ADGRD1: variants seen among roughly 807,000 people sequenced by gnomAD.
The protein encoded by ADGRD1 is adhesion G protein-coupled receptor D1.
In ADGRD1, 77 loss-of-function variants were observed where a neutral mutation model predicts 113.4. That is an observed-to-expected ratio of 0.68 (90% confidence interval 0.57 to 0.82). The LOEUF (loss-of-function observed/expected upper bound fraction) is 0.82. Ranked by LOEUF, ADGRD1 falls within the 40% of genes least tolerant of loss-of-function variation. ADGRD1 has a pLI of 0.00. For missense variants in ADGRD1, 1,036 were observed against 1,139.1 expected (o/e 0.91, Z 1.30); for synonymous variants, 474 against 475.0 (o/e 1.00, Z 0.03).
intron 22 of ADGRD1, 42 bp downstream of exon 22, chr12:131,136,205 C>T (rs1441766743): frequency 1.2e-6 from 2 of 1,607,818 alleles, no homozygotes. Flanking sequence ...GGCCGCCAGC[C>T]ATCAGGAGCA....
intron 8 of ADGRD1, among the ~76,000 whole-genome samples, chr12:130,999,477 A>G (rs1243451009): frequency 6.6e-6 from 1 of 152,234 alleles, no homozygotes; most frequent in Non-Finnish European, 1.5e-5. Context: ...CAAATGCATG[A>G]TGAGTTTTGA....
intron 13 of ADGRD1, among the ~76,000 whole-genome samples, chr12:131,059,925 C>T (rs576473729): frequency 1.6e-4 from 25 of 152,214 alleles, no homozygotes; most frequent in African/African-American, 5.5e-4. Context: ...TTCCGGTTCT[C>T]GGTATGACAA....
At chr12:131,037,106 C>G (rs1485074910) in intron 13 of ADGRD1, among the ~76,000 whole-genome samples, 1 of 145,840 alleles carries the variant, frequency 6.9e-6, no homozygotes, top group Non-Finnish European at 1.5e-5. Context: ...CTGGGCCTCA[C>G]TCACGGCACC....
chr12:131,129,009 G>GA (rs780578608), intron 20 of ADGRD1, among the ~76,000 whole-genome samples: 1 of 91,990 alleles, frequency 1.1e-5, no homozygotes, highest in Non-Finnish European at 2.4e-5. Flanking sequence ...CCTGCTGTCT[G>GA]GTGTGAGTGA....
rs1261829595 is a variant in ADGRD1 at position 131,060,784 on chromosome 12, T to A, written c.1474-16017T>A. 6.6e-6 allele frequency among the ~76,000 whole-genome samples: 1 copy of A among 152,134 alleles called. No individual in the cohort carries two copies. The highest frequency in any genetic ancestry group is 2.4e-5 in the African/African-American group (1 of 41,424). ...TTGGGATGCGGAATGTAAAATCACT[T>A]ATGATCTCACTGCCTGGAGATCCCA... On this transcript the variant is annotated intron_variant, in intron 13 of 24. Coordinates refer to ENST00000261654, the MANE Select transcript of ADGRD1 (RefSeq NM_198827.5). The surrounding 1 kb of genome is among the most constrained non-coding windows in gnomAD (Gnocchi z 4.4).
At position 131,076,784 on chromosome 12, in the gene ADGRD1, G is replaced by A. The variant is rs1278191182; in HGVS notation, c.1474-17G>A. On this transcript the variant is annotated splice_polypyrimidine_tract_variant and intron_variant, in intron 13 of 24. Transcript: ENST00000261654. Reference sequence around the variant, plus strand: ...TTCAGCAGCGTCATGCATCGTGTTTGCTTTCTTTCATTTCAGACACGTAAG... The same window carrying A: ...TTCAGCAGCGTCATGCATCGTGTTTACTTTCTTTCATTTCAGACACGTAAG... 1 of 1,612,472 alleles carries A rather than the reference G, an allele frequency of 6.2e-7. No homozygotes were observed. The highest frequency in any genetic ancestry group is 8.5e-7 in the Non-Finnish European group (1 of 1,178,612).
intron 4 of ADGRD1, chr12:130,973,005 T>A (rs1487017448): frequency 6.6e-6 from 1 of 152,226 alleles, no homozygotes; most frequent in African/African-American, 2.4e-5. Context: ...TGTGGCTGTG[T>A]TCGGTTGGAC....
Position 131,084,774 on chromosome 12 carries a change from C to T in ADGRD1, c.1671+111C>T. ...GTGCCCACGGGCCCTGGGCACATTA[C>T]TCCATGGGGCCTGTGTTTACAGACG... On this transcript the variant is annotated intron_variant, in intron 15 of 24. Coordinates refer to ENST00000261654, the MANE Select transcript of ADGRD1 (RefSeq NM_198827.5). The surrounding 1 kb of genome is among the most constrained non-coding windows in gnomAD (Gnocchi z 4.5). The T allele has an allele frequency of 3.6e-6, 4 of 1,124,568 alleles. No individual in the cohort carries two copies. The South Asian group carries it at 4.1e-5, about 12-fold the overall frequency. 69.7% of individuals were successfully genotyped at this position (1,124,568 alleles called of 1,614,324 possible).
At chr12:131,044,872 C>A (rs370478642) in intron 13 of ADGRD1, among the ~76,000 whole-genome samples, 3 of 152,272 alleles carry the variant, frequency 2.0e-5, no homozygotes, top group African/African-American at 7.2e-5. Flanking sequence ...GAAGAGCACG[C>A]CCGCCTCGCG....
At chr12:131,000,506 C>A in intron 9 of ADGRD1, 64 bp downstream of exon 9, 1 of 1,303,558 alleles carries the variant, frequency 7.7e-7, no homozygotes, top group Non-Finnish European at 1.1e-6. Context: ...CTTTGGGAGG[C>A]CAAGGCGGGT....
intron 22 of ADGRD1, 141 bp from the exon 23 acceptor site, chr12:131,136,832 C>T: frequency 1.3e-6 from 1 of 748,110 alleles, no homozygotes; most frequent in Non-Finnish European, 2.4e-6. Context: ...GCCTCTCCGT[C>T]CTCACGGGCC....
chr12:131,004,063 A>G (rs1039998348), intron 10 of ADGRD1, 123 bp from the exon 11 acceptor site: 4 of 613,244 alleles, frequency 6.5e-6, no homozygotes, highest in Non-Finnish European at 8.7e-6. Flanking sequence ...TCTAAAGGTA[A>G]TTATACTTCC....
chr12:131,133,069 C>T (rs1030618564), intron 21 of ADGRD1, among the ~76,000 whole-genome samples: 1 of 152,100 alleles, frequency 6.6e-6, no homozygotes, highest in Non-Finnish European at 1.5e-5. Context: ...AAGAGATGCT[C>T]GTGGGGTCAG....
chr12:130,995,791 C>T (rs538053648), intron 8 of ADGRD1, among the ~76,000 whole-genome samples: 2 of 147,070 alleles, frequency 1.4e-5, no homozygotes, highest in Non-Finnish European at 3.0e-5. Context: ...ATTGATCATT[C>T]TTGGGTGTTT....
At chr12:131,128,084 G>A (rs1950791738) in intron 20 of ADGRD1, among the ~76,000 whole-genome samples, 1 of 142,440 alleles carries the variant, frequency 7.0e-6, no homozygotes, top group East Asian at 2.1e-4. Flanking sequence ...TGGGGTGTTG[G>A]TTGTGTTGGT....
chr12:130,997,394 C>G (rs1336329261), intron 8 of ADGRD1, among the ~76,000 whole-genome samples: 1 of 114,810 alleles, frequency 8.7e-6, no homozygotes, highest in African/African-American at 3.5e-5. Flanking sequence ...GGAGGGGCTC[C>G]TCACTTCTCA....
At chr12:131,000,249 T>A (rs1301793636) in intron 8 of ADGRD1, 134 bp from the exon 9 acceptor site, 3 of 693,748 alleles carry the variant, frequency 4.3e-6, no homozygotes, top group African/African-American at 3.5e-5. Context: ...ACTCAGCTAT[T>A]TTTGTTGACT....
At chr12:130,992,036 G>T (rs184122957) in intron 7 of ADGRD1, among the ~76,000 whole-genome samples, 2 of 151,514 alleles carry the variant, frequency 1.3e-5, no homozygotes, top group South Asian at 2.1e-4. Flanking sequence ...CAAGAGACTC[G>T]CTTGAACCCG....
At chr12:131,083,512 T>C (rs1288857485) in intron 14 of ADGRD1, among the ~76,000 whole-genome samples, 2 of 152,036 alleles carry the variant, frequency 1.3e-5, no homozygotes, top group African/African-American at 4.8e-5. Context: ...GAGGCTGAGG[T>C]GGGAGGATCA....
Sources: gnomAD v4.1 joint callset for allele counts (sites outside exome capture counted in the v4.1 genomes callset) on GRCh38, gnomAD v4.1.1 for gene constraint, Gnocchi (gnomAD v3.1) non-coding constraint, MANE v1.5 for transcripts, NCBI Gene and HGNC (gene_info 2026-07-23, HGNC 2026-07-21) for gene names.